KLHDC1: variants seen among roughly 807,000 people sequenced by gnomAD.
KLHDC1 encodes kelch domain-containing protein 1.
A neutral mutation model predicts 68.3 loss-of-function variants in KLHDC1; 53 were observed. The observed-to-expected ratio is 0.78, with a 90% confidence interval of 0.62 to 0.98. KLHDC1 has a LOEUF of 0.98. Ranked by LOEUF, KLHDC1 falls within the 50% of genes least tolerant of loss-of-function variation. The pLI is 0.00. For missense variants in KLHDC1, 470 were observed against 492.3 expected (o/e 0.95, Z 0.43); for synonymous variants, 148 against 159.0 (o/e 0.93, Z 0.52).
chr14:49,721,759 G>GA (rs1888530276), intron 4 of KLHDC1, among the ~76,000 whole-genome samples: 1 of 152,000 alleles, frequency 6.6e-6, no homozygotes, highest in Non-Finnish European at 1.5e-5. Flanking sequence ...AGAACTGTGG[G>GA]AGATCTCTCC....
intron 1 of KLHDC1, among the ~76,000 whole-genome samples, 164 bp from the exon 2 acceptor site, chr14:49,708,993 CTT>C (rs1384018255): frequency 6.6e-6 from 1 of 151,014 alleles, no homozygotes; most frequent in Non-Finnish European, 1.5e-5. Context: ...CTTAGAAAAT[CTT>C]CTTTCCTTTT....
At chr14:49,711,904 CTTTTTCTTTTTTTT>C (rs1888211825) in intron 4 of KLHDC1, among the ~76,000 whole-genome samples, 2 of 89,106 alleles carry the variant, frequency 2.2e-5, no homozygotes, top group Admixed American at 1.1e-4. Context: ...TTTCTTTTTT[CTTTTTCTTTTTTTT>C]TTTTTTTTTT....
chr14:49,704,938 T>C lies in KLHDC1; in HGVS notation c.97-4221T>C, dbSNP rs79492317. 6.6e-5 allele frequency among the ~76,000 whole-genome samples: 10 copies of C among 152,278 alleles called. No homozygotes were observed. In the East Asian group the frequency reaches 1.9e-3, roughly 29 times the overall value. ...AAGATAGACAAGATCCCTGTACTCA[T>C]GAAGCTTACAGTTTAGCAGTATTGG... On this transcript the variant is annotated intron_variant, in intron 1 of 12. Coordinates refer to ENST00000359332, the MANE Select transcript of KLHDC1 (RefSeq NM_172193.3).
intron 4 of KLHDC1, among the ~76,000 whole-genome samples, chr14:49,715,485 G>A (rs981267770): frequency 1.2e-4 from 18 of 150,904 alleles, no homozygotes; most frequent in Admixed American, 3.9e-4. Context: ...GGTGGCTCAC[G>A]CCTGTAAGCC....
At chr14:49,696,702 T>C (rs929954153) in intron 1 of KLHDC1, among the ~76,000 whole-genome samples, 1 of 152,192 alleles carries the variant, frequency 6.6e-6, no homozygotes, top group Admixed American at 6.5e-5. Context: ...TGTTTTGCTT[T>C]CATATTACTC....
chr14:49,739,943 T>C (rs903083267), intron 10 of KLHDC1, among the ~76,000 whole-genome samples, 155 bp from the exon 11 acceptor site: 1 of 152,236 alleles, frequency 6.6e-6, no homozygotes, highest in East Asian at 1.9e-4. Flanking sequence ...GAGGAATCTT[T>C]ATAACCCTTT....
intron 1 of KLHDC1, among the ~76,000 whole-genome samples, chr14:49,706,270 A>C (rs548370617): frequency 2.0e-5 from 3 of 152,140 alleles, no homozygotes; most frequent in Non-Finnish European, 2.9e-5. Flanking sequence ...TCATTTAGCT[A>C]ATGACCTCTA....
intron 8 of KLHDC1, 131 bp from the exon 9 acceptor site, chr14:49,732,573 T>G: frequency 2.1e-6 from 1 of 472,838 alleles, no homozygotes; most frequent in Non-Finnish European, 3.7e-6. Context: ...TTTCAAATAT[T>G]CATGTAGGTG....
chr14:49,711,919 T>C (rs1423407367), intron 4 of KLHDC1, among the ~76,000 whole-genome samples: 2 of 131,726 alleles, frequency 1.5e-5, no homozygotes, highest in East Asian at 2.1e-4. Context: ...TCTTTTTTTT[T>C]TTTTTTTTTT....
At chr14:49,693,357 C>G in intron 1 of KLHDC1, 67 bp downstream of exon 1, 1 of 1,111,338 alleles carries the variant, frequency 9.0e-7, no homozygotes. Context: ...GGACGCAGCG[C>G]CCGCCACACC....
At chr14:49,721,978 T>G (rs1888537099) in intron 4 of KLHDC1, among the ~76,000 whole-genome samples, 1 of 152,116 alleles carries the variant, frequency 6.6e-6, no homozygotes, top group African/African-American at 2.4e-5. Flanking sequence ...ATCACAAACT[T>G]TAGTAGTCCA....
At chr14:49,737,176 C>T (rs147170101) in intron 10 of KLHDC1, among the ~76,000 whole-genome samples, 62 of 152,258 alleles carry the variant, frequency 4.1e-4, no homozygotes, top group African/African-American at 1.5e-3. Flanking sequence ...TCTCCTTTAC[C>T]TAACCCTCTT....
intron 1 of KLHDC1, among the ~76,000 whole-genome samples, chr14:49,701,584 G>A (rs865894807): frequency 1.3e-5 from 2 of 151,908 alleles, no homozygotes; most frequent in South Asian, 2.1e-4. Context: ...GCTTGAACCC[G>A]GAGGGTGGAG....
intron 1 of KLHDC1, among the ~76,000 whole-genome samples, chr14:49,695,549 C>A (rs570102921): frequency 1.3e-5 from 2 of 152,226 alleles, no homozygotes; most frequent in South Asian, 2.1e-4. Context: ...TTTCTTGTTC[C>A]GTTGTTAGAG....
intron 4 of KLHDC1, among the ~76,000 whole-genome samples, chr14:49,721,166 T>C (rs1219106602): frequency 6.6e-6 from 1 of 152,030 alleles, no homozygotes; most frequent in East Asian, 1.9e-4. Flanking sequence ...TTTGTGCCTT[T>C]TGTGTATTTT....
rs376879567 is a variant in KLHDC1 at position 49,710,320 on chromosome 14, G to A, written c.343G>A (p.Asp115Asn). 2.2e-5 allele frequency: 35 copies of A among 1,612,224 alleles called. 1 individual carries two copies. The highest frequency in any genetic ancestry group is 6.7e-5 in the East Asian group (3 of 44,810). The change falls in exon 4 of 13, where the codon GAC becomes AAC. Residue 115 changes from aspartate to asparagine, a missense_variant. Physicochemically the swap from Asp to Asn is conservative, Grantham distance 23. Coordinates refer to ENST00000359332, the MANE Select transcript of KLHDC1 (RefSeq NM_172193.3). ...AACCTACATTTGGGAGAAAATCACC[G>A]ACTTTGAAGGGCAACCACCTACACC... Reference protein sequence around the residue: ...DETYIWEKITDFEGQPPTPRD... With the variant: ...DETYIWEKITNFEGQPPTPRD...
chr14:49,723,362 A>T (rs1187025486), intron 4 of KLHDC1, among the ~76,000 whole-genome samples: 1 of 150,782 alleles, frequency 6.6e-6, no homozygotes, highest in Non-Finnish European at 1.5e-5. Context: ...GTGAAACCCC[A>T]TCTCTACAAA....
intron 11 of KLHDC1, among the ~76,000 whole-genome samples, chr14:49,740,561 G>A (rs947657014): frequency 6.6e-6 from 1 of 151,906 alleles, no homozygotes; most frequent in Non-Finnish European, 1.5e-5. Flanking sequence ...AGATGGTCTT[G>A]ATCTCCTGAC....
At chr14:49,750,997 C>T (rs1308789661) in intron 12 of KLHDC1, 1 of 152,120 alleles carries the variant, frequency 6.6e-6, no homozygotes, top group Non-Finnish European at 1.5e-5. Flanking sequence ...GATGTTTCAT[C>T]TTGAGGTGAC....
Sources: gnomAD v4.1 joint callset for allele counts (sites outside exome capture counted in the v4.1 genomes callset) on GRCh38, gnomAD v4.1.1 for gene constraint, MANE v1.5 for transcripts, NCBI Gene and HGNC (gene_info 2026-07-23, HGNC 2026-07-21) for gene names.